MCMBP: variants seen among roughly 807,000 people sequenced by gnomAD.
MCMBP encodes the protein mini-chromosome maintenance complex-binding protein.
MCMBP carries 31 observed loss-of-function variants against 81.3 expected under a neutral mutation model. The observed-to-expected ratio is 0.38, with a 90% CI of 0.29 to 0.51. The LOEUF is 0.51. MCMBP is among the 20% of genes least tolerant of loss of function. MCMBP has a pLI of 0.87. For missense variants in MCMBP, 645 were observed against 772.1 expected (o/e 0.84, Z 1.95); for synonymous variants, 267 against 275.9 (o/e 0.97, Z 0.32).
chr10:119,855,761 T>C (rs533178917), intron 5 of MCMBP, among the ~76,000 whole-genome samples: 443 of 151,096 alleles, frequency 2.9e-3, no homozygotes, highest in Non-Finnish European at 4.3e-3. Flanking sequence ...AAACAGAAAA[T>C]TGAAGTGAAA....
At chr10:119,870,220 G>A (rs535469803) in intron 1 of MCMBP, among the ~76,000 whole-genome samples, 3 of 152,284 alleles carry the variant, frequency 2.0e-5, no homozygotes, top group Admixed American at 1.3e-4. Context: ...AGGCCGAGGC[G>A]GGCGGATCAC....
rs1001698660 is a variant in MCMBP at position 119,859,946 on chromosome 10, T to C, written c.59-62A>G. 6 of 1,233,490 alleles carry C rather than the reference T, an allele frequency of 4.9e-6. No individual in the cohort carries two copies. In the African/African-American group the frequency reaches 9.0e-5, roughly 19 times the overall value. The allele number at this position is 1,233,490 out of a possible 1,614,324, so 76.4% of individuals were successfully genotyped here. ...TGCAATATATAATAAAAGACTATGA[T>C]CAGGTGAGTCACACAATAGTTTAGT... On this transcript the variant is annotated intron_variant, in intron 1 of 15. Transcript: ENST00000369077.
In MCMBP at chr10:119,853,201, CG is replaced by C; in HGVS notation, c.430-8del. 1 of 1,609,682 alleles carries C rather than the reference CG, an allele frequency of 6.2e-7. No homozygotes were observed. The highest frequency in any genetic ancestry group is 8.5e-7 in the Non-Finnish European group (1 of 1,177,318). ...GGTTTGCATTAACATAGGCGTTAAACGAAAAGTTAAGAAAAGACTATCATAA... is the reference window on the plus strand; with the variant it reads ...GGTTTGCATTAACATAGGCGTTAAACAAAAGTTAAGAAAAGACTATCATAA... On this transcript the variant is annotated splice_region_variant and splice_polypyrimidine_tract_variant and intron_variant, in intron 5 of 15. Coordinates refer to ENST00000369077, the MANE Select transcript of MCMBP (RefSeq NM_001256378.2).
Position 119,872,510 on chromosome 10 carries a change from C to G in MCMBP, c.58+17G>C, listed in dbSNP as rs1206823197. The G allele has an allele frequency of 6.7e-6, 8 of 1,189,662 alleles. No individual in the cohort carries two copies. In the Admixed American group the frequency reaches 3.6e-4, roughly 53 times the overall value. The allele number at this position is 1,189,662 out of a possible 1,614,324, so 73.7% of individuals were successfully genotyped here. On this transcript the variant is annotated intron_variant, in intron 1 of 15. Coordinates refer to ENST00000369077, the MANE Select transcript of MCMBP (RefSeq NM_001256378.2). ...CTCGGCTGCCCGCCCGGCCCGCCCC[C>G]CGGCGCCGCCACTCACCGAAGAATC...
At chr10:119,864,629 TTC>T (rs1853387083) in intron 1 of MCMBP, among the ~76,000 whole-genome samples, 1 of 152,130 alleles carries the variant, frequency 6.6e-6, no homozygotes, top group Non-Finnish European at 1.5e-5. Context: ...TTTCTTTTTT[TTC>T]TGTTTTCTAT....
intron 8 of MCMBP, among the ~76,000 whole-genome samples, chr10:119,845,847 A>T (rs1852598508): frequency 6.6e-6 from 1 of 152,244 alleles, no homozygotes; most frequent in Non-Finnish European, 1.5e-5. Context: ...GAATAATGGG[A>T]ATCAAATTTG....
chr10:119,860,877 T>C (rs945822288), intron 1 of MCMBP, among the ~76,000 whole-genome samples: 1 of 152,226 alleles, frequency 6.6e-6, no homozygotes, highest in Non-Finnish European at 1.5e-5. Context: ...TGAAAAGACA[T>C]GATGTCCATC....
chr10:119,873,322 C>CA (rs1446616946), upstream of MCMBP: 3 of 152,178 alleles, frequency 2.0e-5, no homozygotes, highest in African/African-American at 7.2e-5. Flanking sequence ...CCCTCAGCTG[C>CA]ACAAGGTCTC....
rs1852068082 is a variant in MCMBP at position 119,832,096 on chromosome 10, A to G, written c.1712T>C (p.Val571Ala). Residue 571 changes from valine to alanine, a missense_variant, in exon 15 of 16, where the codon GTT becomes GCT. Val to Ala is a moderately conservative substitution (Grantham distance 64). Transcript: ENST00000369077. ...CCGCATTTCCACAAAGTCATCTTCA[A>G]CTGCCTTTATCAAAAGAGTAAATGT... ...YSISDEITKA[V>A]EDDFVEMRKN... The G allele has an allele frequency of 1.2e-6, 2 of 1,612,144 alleles. No homozygotes were observed. The highest frequency in any genetic ancestry group is 1.7e-6 in the Non-Finnish European group (2 of 1,179,366).
intron 14 of MCMBP, among the ~76,000 whole-genome samples, chr10:119,833,621 G>C (rs927526232): frequency 2.0e-5 from 3 of 152,164 alleles, no homozygotes; most frequent in African/African-American, 7.2e-5. Flanking sequence ...GTGAGCTGTG[G>C]CTGTGCTACT....
intron 8 of MCMBP, 96 bp from the exon 9 acceptor site, chr10:119,843,522 C>A: frequency 8.3e-7 from 1 of 1,207,706 alleles, no homozygotes; most frequent in South Asian, 1.5e-5. Context: ...GAGTTAAAGC[C>A]AAGAATATTT....
intron 1 of MCMBP, among the ~76,000 whole-genome samples, chr10:119,869,401 GTCTT>G (rs1389291378): frequency 3.9e-5 from 6 of 152,158 alleles, no homozygotes; most frequent in Non-Finnish European, 8.8e-5. Context: ...GTGAAACCCT[GTCTT>G]TACTAAAAAT....
chr10:119,853,550 G>A (rs1670855737), intron 5 of MCMBP, among the ~76,000 whole-genome samples: 1 of 152,230 alleles, frequency 6.6e-6, no homozygotes, highest in Non-Finnish European at 1.5e-5. Flanking sequence ...GCAACAAAGA[G>A]CAGTAGAGGC....
rs2134421545 is a variant in MCMBP at position 119,872,580 on chromosome 10, G to C, written c.5C>G (p.Pro2Arg). Reference sequence around the variant, plus strand: ...GTGGCTGAGCCAATCCTCCCCACACGGCATCTCGCCAGGGGCCGGGGCCGG... The same window carrying C: ...GTGGCTGAGCCAATCCTCCCCACACCGCATCTCGCCAGGGGCCGGGGCCGG... M[P>R]CGEDWLSHPL... The change falls in exon 1 of 16, where the codon CCG becomes CGG. Residue 2 changes from proline to arginine, a missense_variant. Physicochemically the swap from Pro to Arg is moderately radical, Grantham distance 103. Coordinates refer to ENST00000369077, the MANE Select transcript of MCMBP (RefSeq NM_001256378.2). 1 of 1,175,438 alleles carries C rather than the reference G, an allele frequency of 8.5e-7. No individual in the cohort carries two copies. The highest frequency in any genetic ancestry group is 1.6e-5 in the African/African-American group (1 of 61,474). The allele number at this position is 1,175,438 out of a possible 1,614,324, so 72.8% of individuals were successfully genotyped here. A position where few individuals can be genotyped will look rare whatever the true frequency, so the allele number is the denominator to read the frequency against.
intron 5 of MCMBP, among the ~76,000 whole-genome samples, chr10:119,855,767 T>C (rs1853017529): frequency 6.6e-6 from 1 of 151,224 alleles, no homozygotes; most frequent in South Asian, 2.1e-4. Flanking sequence ...AAAATTGAAG[T>C]GAAAAATAGA....
chr10:119,862,808 T>C (rs1853309404), intron 1 of MCMBP, among the ~76,000 whole-genome samples: 1 of 152,262 alleles, frequency 6.6e-6, no homozygotes, highest in East Asian at 1.9e-4. Context: ...GTTCCCATCC[T>C]TGCCAGTACT....
intron 8 of MCMBP, among the ~76,000 whole-genome samples, chr10:119,846,060 C>T (rs1325323966): frequency 1.3e-5 from 2 of 152,174 alleles, no homozygotes; most frequent in African/African-American, 2.4e-5. Flanking sequence ...CTAGCTCTGT[C>T]TACTTTAAGG....
intron 12 of MCMBP, among the ~76,000 whole-genome samples, chr10:119,837,841 G>A (rs1224293587): frequency 6.6e-6 from 1 of 152,024 alleles, no homozygotes. Flanking sequence ...GGTATTAGAT[G>A]ACTAAAGGCA....
At chr10:119,858,989 C>T in intron 3 of MCMBP, 52 bp downstream of exon 3, 1 of 1,610,894 alleles carries the variant, frequency 6.2e-7, no homozygotes. Flanking sequence ...CTACCACCAA[C>T]AGTAAAAGGA....
Sources: gnomAD v4.1 joint callset for allele counts (sites outside exome capture counted in the v4.1 genomes callset) on GRCh38, gnomAD v4.1.1 for gene constraint, MANE v1.5 for transcripts, NCBI Gene and HGNC (gene_info 2026-07-23, HGNC 2026-07-21) for gene names.